Variants in CDH9 observed in about 807,000 individuals in gnomAD.
CDH9 encodes cadherin 9, also known as cadherin-9.
CDH9 carries 28 observed loss-of-function variants against 70.9 expected under a neutral mutation model. The observed-to-expected ratio is 0.40, with a 90% CI of 0.29 to 0.54. CDH9 has a LOEUF of 0.54. Among genes scored for constraint, CDH9 ranks in the 20% least tolerant of loss-of-function variants. CDH9 has a pLI of 0.59. For synonymous variants in CDH9, 409 were observed against 343.1 expected (o/e 1.19, Z -2.12); for missense variants, 874 against 984.4 (o/e 0.89, Z 1.50).
At chr5:26,966,362 C>G (rs1274468472) in intron 2 of CDH9, among the ~76,000 whole-genome samples, 2 of 152,188 alleles carry the variant, frequency 1.3e-5, no homozygotes, top group African/African-American at 4.8e-5. Context: ...CTCCCTCTTG[C>G]AAATCTCGGC....
intron 2 of CDH9, among the ~76,000 whole-genome samples, chr5:26,927,961 T>C (rs1741374193): frequency 6.6e-6 from 1 of 152,056 alleles, no homozygotes; most frequent in Admixed American, 6.6e-5. Context: ...CATCGCCTTA[T>C]GGCAGGAGAA....
At chr5:26,912,241 C>T (rs1741066814) in intron 3 of CDH9, among the ~76,000 whole-genome samples, 1 of 152,024 alleles carries the variant, frequency 6.6e-6, no homozygotes, top group Middle Eastern at 3.5e-3. Context: ...TCAGATTTAA[C>T]TGTTAATATA....
intron 2 of CDH9, among the ~76,000 whole-genome samples, chr5:26,961,509 T>C (rs982022236): frequency 6.6e-6 from 1 of 152,136 alleles, no homozygotes; most frequent in Non-Finnish European, 1.5e-5. Flanking sequence ...TAGAATTGCA[T>C]AAACTCTTTC....
chr5:26,899,870 T>TAA (rs35314164), intron 7 of CDH9, among the ~76,000 whole-genome samples: 1 of 141,976 alleles, frequency 7.0e-6, no homozygotes, highest in Admixed American at 7.1e-5. Context: ...AAGTATAATT[T>TAA]AAAAAAAAAA....
intron 1 of CDH9, among the ~76,000 whole-genome samples, chr5:27,001,926 A>G: frequency 6.6e-6 from 1 of 151,712 alleles, no homozygotes; most frequent in Non-Finnish European, 1.5e-5. Flanking sequence ...GAAAGGTTGG[A>G]ACAATTCACA....
intron 2 of CDH9, among the ~76,000 whole-genome samples, chr5:26,969,784 A>C (rs971698914): frequency 1.3e-4 from 19 of 151,712 alleles, no homozygotes. Context: ...AATTCTGTTG[A>C]TTCTCTTTTC....
At chr5:26,929,667 A>T (rs1351835369) in intron 2 of CDH9, among the ~76,000 whole-genome samples, 1 of 152,128 alleles carries the variant, frequency 6.6e-6, no homozygotes, top group East Asian at 1.9e-4. Flanking sequence ...GCCATAAAAA[A>T]TAGCGAGATT....
At chr5:26,988,643 A>AT (rs751412818) in intron 1 of CDH9, among the ~76,000 whole-genome samples, 2 of 152,008 alleles carry the variant, frequency 1.3e-5, no homozygotes. Flanking sequence ...ACATATTAAT[A>AT]TTTTTGTAAT....
At chr5:27,021,975 G>C (rs953826110) in intron 1 of CDH9, among the ~76,000 whole-genome samples, 21 of 152,078 alleles carry the variant, frequency 1.4e-4, no homozygotes, top group Admixed American at 1.1e-3. Flanking sequence ...ATACTCTCGT[G>C]TTGTTATGTT....
At position 26,887,468 on chromosome 5, in the gene CDH9, T is replaced by G. The variant is rs1740584593; in HGVS notation, c.1513-1385A>C. 2.0e-5 allele frequency among the ~76,000 whole-genome samples: 3 copies of G among 150,114 alleles called. No individual in the cohort carries two copies. The South Asian group carries it at 6.2e-4, about 31-fold the overall frequency. ...ATTAGGGTAATATATATTAAATAAT[T>G]ATAATTAGTTAATATTAATTATACT... On this transcript the variant is annotated intron_variant, in intron 9 of 11. Transcript: ENST00000231021.
chr5:26,995,712 A>G (rs545046670), intron 1 of CDH9, among the ~76,000 whole-genome samples: 1 of 152,204 alleles, frequency 6.6e-6, no homozygotes, highest in African/African-American at 2.4e-5. Context: ...AAAATTCTTC[A>G]TATTACTTAT....
At chr5:26,958,204 A>C (rs1741977267) in intron 2 of CDH9, among the ~76,000 whole-genome samples, 1 of 152,168 alleles carries the variant, frequency 6.6e-6, no homozygotes, top group Non-Finnish European at 1.5e-5. Context: ...AGGAGAGTGA[A>C]AATGAGAAGA....
chr5:27,000,539 A>T (rs1404755324), intron 1 of CDH9, among the ~76,000 whole-genome samples: 1 of 152,154 alleles, frequency 6.6e-6, no homozygotes, highest in Non-Finnish European at 1.5e-5. Context: ...ACACAATCAC[A>T]GTGACCGAAG....
chr5:26,902,470 A>G lies in CDH9; in HGVS notation c.1253+6T>C. Reference sequence around the variant, plus strand: ...AAAACATAATAAATGTTTTCAAAGTACTTACTTTATTAAATTGTTCCTGGC... The same window carrying G: ...AAAACATAATAAATGTTTTCAAAGTGCTTACTTTATTAAATTGTTCCTGGC... On this transcript the variant is annotated splice_donor_region_variant and intron_variant, in intron 7 of 11. Coordinates refer to ENST00000231021, the MANE Select transcript of CDH9 (RefSeq NM_016279.4). The G allele has an allele frequency of 6.3e-7, 1 of 1,582,668 alleles. No homozygotes were observed. Among genetic ancestry groups the G allele is most frequent in the Non-Finnish European group, 8.7e-7 (1 of 1,154,740 alleles).
At chr5:26,971,977 T>A (rs972257582) in intron 2 of CDH9, among the ~76,000 whole-genome samples, 2 of 152,150 alleles carry the variant, frequency 1.3e-5, no homozygotes, top group African/African-American at 4.8e-5. Context: ...GTGAAGTGAT[T>A]AAATGGTAAA....
chr5:26,947,690 C>T lies in CDH9; in HGVS notation c.229-31766G>A, dbSNP rs115171159. Among the ~76,000 whole-genome samples, 961 of 152,156 alleles carry T rather than the reference C, an allele frequency of 6.3e-3. 11 individuals carry two copies. The highest frequency in any genetic ancestry group is 0.021 in the African/African-American group (887 of 41,524). ...AGAGCAGCACCGTGAAGCTCTATTA[C>T]GAAGAAATGCTGTTTTAGAGAGCAT... is the stretch of plus-strand genomic sequence containing the variant. On this transcript the variant is annotated intron_variant, in intron 2 of 11. Coordinates refer to ENST00000231021, the MANE Select transcript of CDH9 (RefSeq NM_016279.4).
At chr5:26,888,027 A>C (rs1205671134) in intron 9 of CDH9, among the ~76,000 whole-genome samples, 1 of 152,144 alleles carries the variant, frequency 6.6e-6, no homozygotes, top group Non-Finnish European at 1.5e-5. Context: ...TGTTTGTGGT[A>C]ATTTGTCATG....
chr5:27,026,124 C>T (rs2112130603), intron 1 of CDH9, among the ~76,000 whole-genome samples: 1 of 151,676 alleles, frequency 6.6e-6, no homozygotes, highest in African/African-American at 2.4e-5. Context: ...AAAAGATGAA[C>T]ATTATATCAT....
Position 26,932,292 on chromosome 5 carries a change from A to AT in CDH9, c.229-16369dup, listed in dbSNP as rs534808667. Among the ~76,000 whole-genome samples, 27 of 152,168 alleles carry AT rather than the reference A, an allele frequency of 1.8e-4. No homozygotes were observed. The South Asian group carries it at 5.6e-3, about 32-fold the overall frequency. The stretch of plus-strand genomic sequence containing the variant: ...CAGTAAAAATATCTTTCAAAAAATT[A>AT]TTTTTTTACAAATTTAATAGACAAA... On this transcript the variant is annotated intron_variant, in intron 2 of 11. Coordinates refer to ENST00000231021, the MANE Select transcript of CDH9 (RefSeq NM_016279.4).
Sources: allele counts gnomAD v4.1 joint callset (sites outside exome capture counted in the v4.1 genomes callset), GRCh38; gene constraint gnomAD v4.1.1; transcripts MANE v1.5; gene names NCBI Gene and HGNC (gene_info 2026-07-23, HGNC 2026-07-21).